The following ITGA6 variants were observed in gnomAD, a reference collection of about 807,000 sequenced individuals.
ITGA6 encodes integrin alpha-6.
In ITGA6, 63 loss-of-function variants were observed where a neutral mutation model predicts 133.6. The observed-to-expected ratio is 0.47, with a 90% confidence interval of 0.38 to 0.58. The LOEUF (loss-of-function observed/expected upper bound fraction) is 0.58. Among genes scored for constraint, ITGA6 ranks in the 20% least tolerant of loss-of-function variants. ITGA6 has a pLI of 0.00. For missense variants in ITGA6, 1,068 were observed against 1,309.4 expected, an observed-to-expected ratio of 0.82 and a Z score of 2.85; for synonymous variants, 434 against 482.0, an observed-to-expected ratio of 0.90 and a Z score of 1.30.
intron 8 of ITGA6, 124 bp from the exon 9 acceptor site, chr2:172,476,271 T>C (rs1686170214): frequency 4.1e-6 from 3 of 736,494 alleles, no homozygotes. Context: ...GTATATAATA[T>C]AATTTACTTA....
intron 1 of ITGA6, among the ~76,000 whole-genome samples, chr2:172,450,211 G>A (rs1249018008): frequency 6.6e-6 from 1 of 152,120 alleles, no homozygotes; most frequent in Non-Finnish European, 1.5e-5. Flanking sequence ...ATTGCCCATC[G>A]GAACCCACTG....
At chr2:172,434,773 CT>C (rs1402791828) in intron 1 of ITGA6, among the ~76,000 whole-genome samples, 6 of 151,960 alleles carry the variant, frequency 3.9e-5, no homozygotes, top group Non-Finnish European at 7.4e-5. Flanking sequence ...CTGAAACTTA[CT>C]TTTTTGAAAA....
Position 172,469,220 on chromosome 2 carries a change from C to T in ITGA6, c.483C>T (p.Leu161=). 1 of 1,614,124 alleles carries T rather than the reference C, an allele frequency of 6.2e-7. No individual in the cohort carries two copies. Among genetic ancestry groups the T allele is most frequent in the South Asian group, 1.1e-5 (1 of 91,072 alleles). ...FGRCYVLSQN[L]RIEDDMDGGD... Reference sequence around the variant, plus strand: ...GGTGTTATGTCCTGAGTCAGAATCTCAGGATTGAAGACGATATGGATGGGG... The same window carrying T: ...GGTGTTATGTCCTGAGTCAGAATCTTAGGATTGAAGACGATATGGATGGGG... The change falls in exon 4 of 26, where the codon CTC becomes CTT. Residue 161 remains leucine (L), a synonymous_variant. Transcript: ENST00000684293.
intron 3 of ITGA6, among the ~76,000 whole-genome samples, chr2:172,468,325 C>T (rs955106048): frequency 3.9e-5 from 6 of 152,112 alleles, no homozygotes; most frequent in African/African-American, 4.8e-5. Context: ...ATGGTAAGGC[C>T]TTCCTGGTTG....
intron 1 of ITGA6, among the ~76,000 whole-genome samples, chr2:172,458,199 C>T (rs35783685): frequency 0.22 from 33,685 of 151,648 alleles, 4,013 homozygotes; most frequent in East Asian, 0.29. Flanking sequence ...GACATGTACA[C>T]GTTTTACAGA....
Position 172,427,820 on chromosome 2 carries a change from A to C in ITGA6, c.32A>C (p.Tyr11Ser), listed in dbSNP as rs1280984048. 6.2e-7 allele frequency: 1 copy of C among 1,602,774 alleles called. No individual in the cohort carries two copies. The highest frequency in any genetic ancestry group is 1.1e-5 in the South Asian group (1 of 89,550). The part of the protein sequence containing the change: MAAAGQLCLL[Y>S]LSAGLLSRLG... ...GCCGCCGGGCAGCTGTGCTTGCTCT[A>C]CCTGTCGGCGGGGCTCCTGTCCCGG... The change falls in exon 1 of 26, where the codon TAC becomes TCC. Residue 11 changes from tyrosine (Y) to serine (S), a missense_variant. Tyr to Ser is a moderately radical substitution (Grantham distance 144). This residue lies in a region of ITGA6 where 142 missense variants were observed against 145.3 expected (regional missense o/e 0.98). Transcript: ENST00000684293.
rs1687496324 is a variant in ITGA6, at chr2:172,504,902, T to A, written c.*834T>A. 1 of 152,702 alleles carries A rather than the reference T, an allele frequency of 6.5e-6. No individual in the cohort carries two copies. Among genetic ancestry groups the A allele is most frequent in the African/African-American group, 2.4e-5 (1 of 41,472 alleles). 9.5% of individuals were successfully genotyped at this position (152,702 alleles called of 1,614,324 possible). ...GTTATACTTATTTGTATATGGTATT[T>A]ATTTTTTCTTTTCTTTACAAACCAT... On this transcript the variant is annotated 3_prime_UTR_variant, in exon 26 of 26. Coordinates refer to ENST00000684293, the MANE Select transcript of ITGA6 (RefSeq NM_000210.4).
At position 172,491,289 on chromosome 2, in the gene ITGA6, T is replaced by G; in HGVS notation, c.2847T>G (p.Ser949=). The G allele has an allele frequency of 6.2e-7, 1 of 1,613,152 alleles. No homozygotes were observed. Residue 949 remains serine, a synonymous_variant, in exon 22 of 26, where the codon TCT becomes TCG. Coordinates refer to ENST00000684293, the MANE Select transcript of ITGA6 (RefSeq NM_000210.4). This position sits in a 1 kb window ranked among gnomAD's most constrained non-coding sequence, Gnocchi z 4.4. ...TGCGGGGGCTGGACAGCAAGGCGTC[T>G]CTTATTTTGCGCTCGAGGTTATGGA... ...CPLRGLDSKA[S]LILRSRLWNS...
At chr2:172,472,539 A>G (rs1685986374) in intron 5 of ITGA6, among the ~76,000 whole-genome samples, 1 of 152,228 alleles carries the variant, frequency 6.6e-6, no homozygotes, top group Non-Finnish European at 1.5e-5. Flanking sequence ...AAAGAAATCA[A>G]ATTCATATTG....
intron 23 of ITGA6, among the ~76,000 whole-genome samples, chr2:172,492,448 T>G (rs922823459): frequency 6.6e-6 from 1 of 152,232 alleles, no homozygotes; most frequent in African/African-American, 2.4e-5. Flanking sequence ...TTGCTTTGGG[T>G]CCATTGTTTC....
chr2:172,439,350 C>T (rs1684448752), intron 1 of ITGA6, among the ~76,000 whole-genome samples: 1 of 151,822 alleles, frequency 6.6e-6, no homozygotes, highest in Non-Finnish European at 1.5e-5. Flanking sequence ...TCAATCAGCA[C>T]TTTGGGTTCT....
chr2:172,500,888 T>G (rs1386916561), intron 24 of ITGA6, among the ~76,000 whole-genome samples: 1 of 152,206 alleles, frequency 6.6e-6, no homozygotes, highest in Non-Finnish European at 1.5e-5. Context: ...TCAATCTGAA[T>G]AGCCTCACGG....
chr2:172,485,079 A>G (rs780187280), intron 12 of ITGA6, 42 bp from the exon 13 acceptor site: 1 of 1,610,186 alleles, frequency 6.2e-7, no homozygotes, highest in Non-Finnish European at 8.5e-7. Flanking sequence ...CCCCAATAGC[A>G]TGTACACCCC....
At chr2:172,445,156 C>T (rs926342833) in intron 1 of ITGA6, among the ~76,000 whole-genome samples, 1 of 151,204 alleles carries the variant, frequency 6.6e-6, no homozygotes, top group Admixed American at 6.6e-5. Flanking sequence ...TTAGTAGAGA[C>T]AGGGTTTTGC....
At chr2:172,454,792 G>A (rs1468141062) in intron 1 of ITGA6, among the ~76,000 whole-genome samples, 1 of 152,176 alleles carries the variant, frequency 6.6e-6, no homozygotes, top group Non-Finnish European at 1.5e-5. Flanking sequence ...TGGGCCCAGT[G>A]GTTCTTGTAA....
intron 1 of ITGA6, among the ~76,000 whole-genome samples, chr2:172,452,493 C>T (rs1685048620): frequency 6.6e-6 from 1 of 152,164 alleles, no homozygotes; most frequent in Non-Finnish European, 1.5e-5. Context: ...GAATGGGCAG[C>T]ATTTGCACAG....
At chr2:172,499,547 AG>A (rs2149099566) in intron 24 of ITGA6, among the ~76,000 whole-genome samples, 1 of 152,224 alleles carries the variant, frequency 6.6e-6, no homozygotes, top group South Asian at 2.1e-4. Context: ...TTTTTCATAA[AG>A]GTGAGGCCTT....
intron 23 of ITGA6, 30 bp from the exon 24 acceptor site, chr2:172,497,945 A>G (rs769069022): frequency 6.8e-6 from 11 of 1,612,980 alleles, no homozygotes; most frequent in Admixed American, 3.3e-5. Context: ...CGCTGTATGT[A>G]GTAATGCTGC....
chr2:172,461,377 G>GGTTTTGAAATGATCTTA, intron 1 of ITGA6, among the ~76,000 whole-genome samples: 1 of 152,302 alleles, frequency 6.6e-6, no homozygotes, highest in East Asian at 1.9e-4. Flanking sequence ...TCCACTGGCC[G>GGTTTTGAAATGATCTTA]GTTTTGAAAT....
Sources: gnomAD v4.1 joint callset for allele counts (sites outside exome capture counted in the v4.1 genomes callset) on GRCh38, gnomAD v4.1.1 for gene constraint, gnomAD v4.1.1 regional missense constraint, Gnocchi (gnomAD v3.1) non-coding constraint, MANE v1.5 for transcripts, NCBI Gene and HGNC (gene_info 2026-07-23, HGNC 2026-07-21) for gene names.